The following DENND2B variants were observed in gnomAD, a reference collection of about 807,000 sequenced individuals.
The protein encoded by DENND2B is DENN domain-containing protein 2B.
A neutral mutation model predicts 116.0 loss-of-function variants in DENND2B; 32 were observed. That is an observed-to-expected ratio of 0.28 (90% confidence interval 0.21 to 0.37). The LOEUF (loss-of-function observed/expected upper bound fraction) is 0.37, where lower values mean the gene tolerates loss of function less well. Among genes scored for constraint, DENND2B ranks in the 10% least tolerant of loss-of-function variants. The pLI, the probability that DENND2B is intolerant of heterozygous loss-of-function variation, is 1.00. For missense variants in DENND2B, 1,276 were observed against 1,477.7 expected, an observed-to-expected ratio of 0.86 and a Z score of 2.24; for synonymous variants, 588 against 583.9, an observed-to-expected ratio of 1.01 and a Z score of -0.10.
chr11:8,910,932 G>GA (rs2064316505), exon 1 of DENND2B: 1 of 60,522 alleles, frequency 1.7e-5, no homozygotes, highest in Non-Finnish European at 3.3e-5. Context: ...TCAGCCCCCA[G>GA]CCCCCGACCC....
rs749930761 is a variant in DENND2B, at chr11:8,702,209, C to G, written c.2720+363G>C. 6.6e-6 allele frequency among the ~76,000 whole-genome samples: 1 copy of G among 152,194 alleles called. No homozygotes were observed. Among genetic ancestry groups the G allele is most frequent in the East Asian group, 1.9e-4 (1 of 5,196 alleles). ...CAAACTCAGCATCCCATTGAGATGGCTTTGCCTCCCCCTCCAGAAGAAATG... is the reference window on the plus strand; with the variant it reads ...CAAACTCAGCATCCCATTGAGATGGGTTTGCCTCCCCCTCCAGAAGAAATG... On this transcript the variant is annotated intron_variant, in intron 14 of 19. Coordinates refer to ENST00000313726, the MANE Select transcript of DENND2B (RefSeq NM_213618.2). The surrounding 1 kb of genome is among the most constrained non-coding windows in gnomAD (Gnocchi z 4.6).
intron 15 of DENND2B, 39 bp downstream of exon 15, chr11:8,699,174 C>T: frequency 6.5e-7 from 1 of 1,533,310 alleles, no homozygotes; most frequent in Non-Finnish European, 8.7e-7. Context: ...CTGCTTCCCC[C>T]TCCACCCTTC....
At chr11:8,735,075 G>A (rs960326520) in intron 2 of DENND2B, among the ~76,000 whole-genome samples, 13 of 152,034 alleles carry the variant, frequency 8.6e-5, no homozygotes, top group Non-Finnish European at 1.8e-4. Context: ...ATGGAAAGGT[G>A]GAGTCTATTG....
chr11:8,870,065 A>C (rs576026161), intron 2 of DENND2B, among the ~76,000 whole-genome samples: 2 of 152,344 alleles, frequency 1.3e-5, no homozygotes, highest in African/African-American at 2.4e-5. Context: ...AGGTAGCTGA[A>C]AACAGTCTTG....
chr11:8,735,569 G>A (rs925109937), intron 2 of DENND2B, among the ~76,000 whole-genome samples: 5 of 152,270 alleles, frequency 3.3e-5, no homozygotes, highest in African/African-American at 1.2e-4. Flanking sequence ...CAGAGCCACT[G>A]CCCTGGCCTT....
intron 1 of DENND2B, among the ~76,000 whole-genome samples, chr11:8,902,055 C>T (rs555951690): frequency 1.5e-3 from 226 of 152,054 alleles, no homozygotes; most frequent in Non-Finnish European, 2.7e-3. Context: ...GGGCTGGGCA[C>T]GGTGGCTCAT....
At chr11:8,898,319 A>G (rs74609959) in intron 1 of DENND2B, among the ~76,000 whole-genome samples, 3,529 of 152,258 alleles carry the variant, frequency 0.023, 50 homozygotes, top group Middle Eastern at 0.034. Context: ...TTCAGCGCAG[A>G]AATTCAAGTC....
At chr11:8,832,107 G>A (rs1314571242) in intron 4 of DENND2B, among the ~76,000 whole-genome samples, 4 of 151,968 alleles carry the variant, frequency 2.6e-5, no homozygotes, top group East Asian at 1.9e-4. Context: ...CCTCACCCCC[G>A]CCTTCCAGAG....
At chr11:8,729,869 T>C in intron 3 of DENND2B, 81 bp downstream of exon 3, 1 of 1,536,760 alleles carries the variant, frequency 6.5e-7, no homozygotes, top group African/African-American at 1.4e-5. Flanking sequence ...CTGCGACCCA[T>C]CCTACAATCT....
At chr11:8,739,798 C>T (rs2049864154) in intron 2 of DENND2B, among the ~76,000 whole-genome samples, 1 of 152,084 alleles carries the variant, frequency 6.6e-6, no homozygotes, top group Non-Finnish European at 1.5e-5. Flanking sequence ...AAACAGAGCA[C>T]CATAAATGCA....
At chr11:8,843,061 G>C (rs1459026812) in intron 3 of DENND2B, among the ~76,000 whole-genome samples, 1 of 151,696 alleles carries the variant, frequency 6.6e-6, no homozygotes, top group Admixed American at 6.6e-5. Flanking sequence ...CTGTCACCCA[G>C]GCTGGAGTGC....
At chr11:8,700,815 A>T (rs542054205) in intron 14 of DENND2B, among the ~76,000 whole-genome samples, 33 of 152,196 alleles carry the variant, frequency 2.2e-4, no homozygotes, top group African/African-American at 7.9e-4. Context: ...TTTTAAAAAA[A>T]TTTTTAAATT....
At chr11:8,895,653 G>A (rs1004853172) in intron 1 of DENND2B, 1 of 152,114 alleles carries the variant, frequency 6.6e-6, no homozygotes. Flanking sequence ...ATGAAAAGAA[G>A]TATAGAGATG....
At chr11:8,759,709 C>T (rs2054250545) in intron 1 of DENND2B, among the ~76,000 whole-genome samples, 1 of 152,208 alleles carries the variant, frequency 6.6e-6, no homozygotes, top group African/African-American at 2.4e-5. Flanking sequence ...GCCTGATTGC[C>T]CTGGGACCAA....
Position 8,904,081 on chromosome 11 carries a change from A to G in DENND2B, c.-256+6740T>C, listed in dbSNP as rs2064205955. ...AAATAGAACATTCCTAAATCATTCTATAAGGCCAATATTATCCTAATACCA... is the reference window on the plus strand; with the variant it reads ...AAATAGAACATTCCTAAATCATTCTGTAAGGCCAATATTATCCTAATACCA... On this transcript the variant is annotated intron_variant, in intron 1 of 22. Coordinates refer to the DENND2B transcript ENST00000534127. 2.0e-5 allele frequency among the ~76,000 whole-genome samples: 3 copies of G among 152,138 alleles called. No homozygotes were observed. In the South Asian group the frequency reaches 6.2e-4, roughly 31 times the overall value.
Position 8,729,988 on chromosome 11 carries a change from G to A in DENND2B, c.1302C>T (p.Pro434=). 6.2e-7 allele frequency: 1 copy of A among 1,614,166 alleles called. No individual in the cohort carries two copies. ...TGCGGTGACCACGCATGTCCTTCTTGGGTCTCCGGGTGACTGGCGGGGCTG... is the reference window on the plus strand; with the variant it reads ...TGCGGTGACCACGCATGTCCTTCTTAGGTCTCCGGGTGACTGGCGGGGCTG... ...STPAPPVTRR[P]KKDMRGHRKS... The change falls in exon 3 of 20, where the codon CCC becomes CCT. Residue 434 remains proline, a synonymous_variant. Coordinates refer to ENST00000313726, the MANE Select transcript of DENND2B (RefSeq NM_213618.2).
At chr11:8,709,853 C>T (rs2043281742) in intron 11 of DENND2B, among the ~76,000 whole-genome samples, 1 of 152,214 alleles carries the variant, frequency 6.6e-6, no homozygotes, top group Non-Finnish European at 1.5e-5. Context: ...TTTATTCCCT[C>T]TTATTCCCTT....
intron 1 of DENND2B, among the ~76,000 whole-genome samples, chr11:8,905,766 T>C (rs1266442694): frequency 6.6e-6 from 1 of 151,906 alleles, no homozygotes; most frequent in Non-Finnish European, 1.5e-5. Context: ...CAGAAACATT[T>C]CAGATGACCA....
At chr11:8,807,457 G>A (rs1472721233) in intron 1 of DENND2B, among the ~76,000 whole-genome samples, 2 of 152,162 alleles carry the variant, frequency 1.3e-5, no homozygotes, top group Non-Finnish European at 2.9e-5. Context: ...TCCTGAATCT[G>A]TACACCCCGC....
Sources: allele counts gnomAD v4.1 joint callset (sites outside exome capture counted in the v4.1 genomes callset), GRCh38; gene constraint gnomAD v4.1.1; non-coding constraint Gnocchi (gnomAD v3.1); transcripts MANE v1.5; gene names NCBI Gene and HGNC (gene_info 2026-07-23, HGNC 2026-07-21).